Variants in NUTF2 observed in about 807,000 individuals in gnomAD.
NUTF2 encodes placental protein 15.
A neutral mutation model predicts 18.5 loss-of-function variants in NUTF2; 3 were observed. The observed-to-expected ratio is 0.16, with a 90% confidence interval of 0.07 to 0.42. The LOEUF is 0.42. NUTF2 is among the 10% of genes least tolerant of loss of function. The probability of loss-of-function intolerance (pLI) is 0.99; values close to 1 mark genes in which losing one functional copy is unlikely to be tolerated. For synonymous variants in NUTF2, 51 were observed against 57.9 expected (o/e 0.88, Z 0.54); for missense variants, 44 against 160.7 (o/e 0.27, Z 3.93).
At chr16:67,861,547 C>T (rs1182295130) in intron 1 of NUTF2, among the ~76,000 whole-genome samples, 1 of 152,132 alleles carries the variant, frequency 6.6e-6, no homozygotes, top group African/African-American at 2.4e-5. Flanking sequence ...AGGGTCTTTG[C>T]ACTCACAGAG....
intron 1 of NUTF2, among the ~76,000 whole-genome samples, chr16:67,861,023 C>A (rs1302709973): frequency 6.6e-6 from 1 of 152,234 alleles, no homozygotes; most frequent in Non-Finnish European, 1.5e-5. Context: ...GACTGCCTTG[C>A]CCCTTTCTGA....
intron 1 of NUTF2, among the ~76,000 whole-genome samples, chr16:67,852,740 C>T (rs1323692713): frequency 5.3e-5 from 8 of 152,002 alleles, no homozygotes; most frequent in South Asian, 4.1e-4. Flanking sequence ...AGTGCAATGG[C>T]GTGATCTCGG....
chr16:67,858,905 CT>C (rs2057915746), intron 1 of NUTF2, among the ~76,000 whole-genome samples: 1 of 151,066 alleles, frequency 6.6e-6, no homozygotes, highest in African/African-American at 2.4e-5. Flanking sequence ...CAAGATCTCA[CT>C]GTGTTGCCCA....
chr16:67,860,984 T>C (rs1054347158), intron 1 of NUTF2, among the ~76,000 whole-genome samples: 1 of 152,228 alleles, frequency 6.6e-6, no homozygotes, highest in Non-Finnish European at 1.5e-5. Context: ...GCCTGAGGCC[T>C]TTGTTTGGAG....
At chr16:67,858,605 C>T (rs557087321) in intron 1 of NUTF2, among the ~76,000 whole-genome samples, 2 of 152,196 alleles carry the variant, frequency 1.3e-5, no homozygotes, top group Non-Finnish European at 2.9e-5. Flanking sequence ...CAAAGCCCTG[C>T]GATGAGAACA....
At chr16:67,856,299 T>G (rs1020501326) in intron 1 of NUTF2, among the ~76,000 whole-genome samples, 1 of 151,944 alleles carries the variant, frequency 6.6e-6, no homozygotes, top group African/African-American at 2.4e-5. Flanking sequence ...TTCAAGCAAT[T>G]CTCTGCCTCA....
At chr16:67,851,822 C>G (rs759011564) in intron 1 of NUTF2, among the ~76,000 whole-genome samples, 19 of 151,994 alleles carry the variant, frequency 1.3e-4, no homozygotes, top group Non-Finnish European at 2.5e-4. Flanking sequence ...TCAAAACCAG[C>G]CTTACCAACA....
At chr16:67,870,560 A>C in intron 4 of NUTF2, 1 of 507,160 alleles carries the variant, frequency 2.0e-6, no homozygotes, top group Non-Finnish European at 3.5e-6. Flanking sequence ...ATTATTGTGC[A>C]GTTTAAGCAC....
chr16:67,867,956 G>A (rs2151300923), intron 2 of NUTF2, among the ~76,000 whole-genome samples: 1 of 152,306 alleles, frequency 6.6e-6, no homozygotes, highest in East Asian at 1.9e-4. Flanking sequence ...AAAGTTCTGG[G>A]ATTACAGGCG....
Position 67,871,161 on chromosome 16 carries a change from C to CA in NUTF2, c.*248_*249insA. On this transcript the variant is annotated 3_prime_UTR_variant, in exon 5 of 5. Transcript: ENST00000219169. Reference sequence around the variant, plus strand: ...AGACTTAAGTAATGCAAAAGGTTGTCCTTTTTTTTTTTTTTTTTTTTTTAA... The same window carrying CA: ...AGACTTAAGTAATGCAAAAGGTTGTCACTTTTTTTTTTTTTTTTTTTTTTAA... The CA allele has an allele frequency of 3.9e-6, 1 of 254,328 alleles. No individual in the cohort carries two copies. The allele number at this position is 254,328 out of a possible 1,614,324, so 15.8% of individuals were successfully genotyped here.
At chr16:67,860,192 G>T (rs1229316678) in intron 1 of NUTF2, among the ~76,000 whole-genome samples, 1 of 152,002 alleles carries the variant, frequency 6.6e-6, no homozygotes, top group Non-Finnish European at 1.5e-5. Context: ...TGTTAGCCAG[G>T]ATGGTCTTGA....
intron 1 of NUTF2, among the ~76,000 whole-genome samples, chr16:67,857,960 C>G (rs573311138): frequency 6.6e-6 from 1 of 152,236 alleles, no homozygotes; most frequent in African/African-American, 2.4e-5. Flanking sequence ...GCTGGCCTCT[C>G]AGCCCAGGCT....
At chr16:67,857,517 A>G (rs2057905726) in intron 1 of NUTF2, among the ~76,000 whole-genome samples, 1 of 151,936 alleles carries the variant, frequency 6.6e-6, no homozygotes, top group Non-Finnish European at 1.5e-5. Context: ...GGCCATCTCC[A>G]TGGTGTGGGC....
chr16:67,871,006 A>G lies in NUTF2; in HGVS notation c.*93A>G. 1 of 974,976 alleles carries G rather than the reference A, an allele frequency of 1.0e-6. No homozygotes were observed. Among genetic ancestry groups the G allele is most frequent in the Non-Finnish European group, 1.6e-6 (1 of 617,346 alleles). 60.4% of individuals were successfully genotyped at this position (974,976 alleles called of 1,614,324 possible). ...CCAGATGCTCCAAATATCATGCACAAATGAGCAGGGCCGCGGTGGGAGTGG... is the reference window on the plus strand; with the variant it reads ...CCAGATGCTCCAAATATCATGCACAGATGAGCAGGGCCGCGGTGGGAGTGG... On this transcript the variant is annotated 3_prime_UTR_variant, in exon 5 of 5. Coordinates refer to ENST00000219169, the MANE Select transcript of NUTF2 (RefSeq NM_005796.3).
chr16:67,855,189 A>T (rs909109103), intron 1 of NUTF2, among the ~76,000 whole-genome samples: 1 of 150,740 alleles, frequency 6.6e-6, no homozygotes, highest in African/African-American at 2.5e-5. Context: ...CAGTGTATGG[A>T]TTATCCTTGG....
rs548597800 is a variant in NUTF2, at chr16:67,866,977, T to C, written c.100-1363T>C. The stretch of plus-strand genomic sequence containing the variant: ...ACTTGTGCCTCATTATCACTCTCCC[T>C]TTTTTTTTTTTTGAGATGGAGTCTC... On this transcript the variant is annotated intron_variant, in intron 2 of 4. Coordinates refer to ENST00000219169, the MANE Select transcript of NUTF2 (RefSeq NM_005796.3). 4.7e-3 allele frequency among the ~76,000 whole-genome samples: 634 copies of C among 134,690 alleles called. 6 individuals are homozygous for C. The highest frequency in any genetic ancestry group is 0.016 in the African/African-American group (617 of 38,794). The allele number at this position is 134,690 out of a possible 152,430, so 88.4% of individuals were successfully genotyped here.
At chr16:67,853,514 T>A (rs1460994068) in intron 1 of NUTF2, among the ~76,000 whole-genome samples, 1 of 151,972 alleles carries the variant, frequency 6.6e-6, no homozygotes, top group Non-Finnish European at 1.5e-5. Context: ...CCTGCCACCA[T>A]GCTTGGCTAA....
In NUTF2 at chr16:67,871,445, T is replaced by C. The variant is rs2058012407; in HGVS notation, c.*532T>C. 1 of 152,588 alleles carries C rather than the reference T, an allele frequency of 6.6e-6. No homozygotes were observed. Among genetic ancestry groups the C allele is most frequent in the African/African-American group, 2.4e-5 (1 of 41,446 alleles). The allele number at this position is 152,588 out of a possible 1,614,324, so 9.5% of individuals were successfully genotyped here. On this transcript the variant is annotated 3_prime_UTR_variant, in exon 5 of 5. Coordinates refer to ENST00000219169, the MANE Select transcript of NUTF2 (RefSeq NM_005796.3). ...AATACCTGTTGCAGGGAGAAACTGCTGAAGCAGCACTCCCAGCTAGCCTCT... is the reference window on the plus strand; with the variant it reads ...AATACCTGTTGCAGGGAGAAACTGCCGAAGCAGCACTCCCAGCTAGCCTCT...
At chr16:67,853,483 A>G (rs2057874868) in intron 1 of NUTF2, among the ~76,000 whole-genome samples, 1 of 152,032 alleles carries the variant, frequency 6.6e-6, no homozygotes, top group South Asian at 2.1e-4. Flanking sequence ...TTAGCCTCCC[A>G]AGTAGTTGGG....
Sources: allele counts gnomAD v4.1 joint callset (sites outside exome capture counted in the v4.1 genomes callset), GRCh38; gene constraint gnomAD v4.1.1; transcripts MANE v1.5; gene names NCBI Gene and HGNC (gene_info 2026-07-23, HGNC 2026-07-21).